Variants in CLTCL1 observed in about 807,000 individuals in gnomAD.
CLTCL1 encodes the protein clathrin heavy chain like 1, also known as clathrin heavy chain 2.
In CLTCL1, 159 loss-of-function variants were observed where a neutral mutation model predicts 190.0. The observed-to-expected ratio is 0.84, with a 90% CI of 0.74 to 0.95. CLTCL1 has a LOEUF of 0.95. CLTCL1 is among the 40% of genes least tolerant of loss of function. CLTCL1 has a pLI of 0.00. For synonymous variants in CLTCL1, 752 were observed against 769.6 expected (o/e 0.98, Z 0.38); for missense variants, 1,878 against 2,033.4 (o/e 0.92, Z 1.47).
intron 26 of CLTCL1, among the ~76,000 whole-genome samples, chr22:19,193,641 C>T (rs943520068): frequency 1.3e-5 from 2 of 152,198 alleles, no homozygotes; most frequent in Admixed American, 6.5e-5. Flanking sequence ...GAGGCCAAGG[C>T]AGGCGGATTG....
At position 19,233,523 on chromosome 22, in the gene CLTCL1, C is replaced by G; in HGVS notation, c.1267G>C (p.Asp423His). 6.2e-7 allele frequency: 1 copy of G among 1,613,932 alleles called. No homozygotes were observed. ...PLLQYFGILL[D>H]QGQLNKLESL... ...TCAAGTTTATTGAGCTGACCCTGGT[C>G]GAGCAGGATTCCGAAGTACTGCAGC... The change falls in exon 8 of 33, where the codon GAC (aspartate) becomes CAC (histidine). Residue 423 changes from aspartate (D) to histidine (H), a missense_variant. Asp to His is a moderately conservative substitution (Grantham distance 81). Coordinates refer to ENST00000427926, the MANE Select transcript of CLTCL1 (RefSeq NM_007098.4).
intron 24 of CLTCL1, among the ~76,000 whole-genome samples, 199 bp from the exon 25 acceptor site, chr22:19,196,855 A>G (rs1293568733): frequency 3.9e-5 from 6 of 152,234 alleles, no homozygotes; most frequent in African/African-American, 1.4e-4. Flanking sequence ...TCTGACAATT[A>G]CCAGTGGCAC....
chr22:19,289,783 C>T (rs1555992214), intron 1 of CLTCL1, among the ~76,000 whole-genome samples: 1 of 152,152 alleles, frequency 6.6e-6, no homozygotes, highest in African/African-American at 2.4e-5. Context: ...AACAGGAAGG[C>T]AGGAAAGGGT....
chr22:19,255,842 G>A lies in CLTCL1; in HGVS notation c.251-1615C>T, dbSNP rs184558448. Among the ~76,000 whole-genome samples the A allele has an allele frequency of 3.9e-3, 586 of 149,630 alleles. 4 individuals carry two copies. The highest frequency in any genetic ancestry group is 8.2e-3 in the Admixed American group (123 of 15,058). ...GGAGAATTGCTTGAGCCTGGGAGGC[G>A]GAGGTTGCAGTGAGCCAAAATTGTG... On this transcript the variant is annotated intron_variant, in intron 2 of 32. Coordinates refer to ENST00000427926, the MANE Select transcript of CLTCL1 (RefSeq NM_007098.4).
intron 11 of CLTCL1, among the ~76,000 whole-genome samples, chr22:19,229,422 G>A (rs1319515914): frequency 1.3e-5 from 2 of 152,206 alleles, no homozygotes; most frequent in Non-Finnish European, 2.9e-5. Context: ...GCAGTTGTCA[G>A]GGGCTGGGAA....
chr22:19,180,159 C>G, intron 32 of CLTCL1, 40 bp downstream of exon 32: 1 of 1,590,776 alleles, frequency 6.3e-7, no homozygotes, highest in Non-Finnish European at 8.6e-7. Context: ...AGAACCTGGC[C>G]TGGCTAGAGG....
intron 2 of CLTCL1, among the ~76,000 whole-genome samples, chr22:19,272,490 G>T (rs1208480005): frequency 1.3e-5 from 2 of 152,110 alleles, no homozygotes; most frequent in Non-Finnish European, 2.9e-5. Context: ...GTTTGTTTGA[G>T]ACAGAGTTTC....
At position 19,233,253 on chromosome 22, in the gene CLTCL1, C is replaced by T. The variant is rs2085971076; in HGVS notation, c.1434G>A (p.Val478=). The T allele has an allele frequency of 6.2e-7, 1 of 1,613,904 alleles. No homozygotes were observed. Among genetic ancestry groups the T allele is most frequent in the South Asian group, 1.1e-5 (1 of 91,092 alleles). ...TGCTTGGCACATTTGCCCGAAGGTA[C>T]ACACTCAGAGCGAGCATGGGGTCAG... ...KTTDPMLALS[V]YLRANVPSKV... The change falls in exon 9 of 33, where the codon GTG becomes GTA. Residue 478 remains valine, a synonymous_variant. Transcript: ENST00000427926.
chr22:19,290,337 T>G (rs782638574), intron 1 of CLTCL1, among the ~76,000 whole-genome samples: 1 of 152,224 alleles, frequency 6.6e-6, no homozygotes, highest in Non-Finnish European at 1.5e-5. Flanking sequence ...ACTATCTGCC[T>G]CAGTTATCAT....
intron 15 of CLTCL1, among the ~76,000 whole-genome samples, 169 bp from the exon 16 acceptor site, chr22:19,222,262 A>G (rs999897674): frequency 6.6e-6 from 1 of 152,178 alleles, no homozygotes; most frequent in Non-Finnish European, 1.5e-5. Context: ...GTGGGATTCT[A>G]CTTGGAAAGA....
intron 10 of CLTCL1, among the ~76,000 whole-genome samples, chr22:19,230,497 G>A (rs1425265368): frequency 6.6e-6 from 1 of 152,162 alleles, no homozygotes; most frequent in Non-Finnish European, 1.5e-5. Flanking sequence ...TGAGGTGGAT[G>A]CATTCCTTGA....
At chr22:19,196,910 C>T (rs1182635742) in intron 24 of CLTCL1, among the ~76,000 whole-genome samples, 4 of 152,066 alleles carry the variant, frequency 2.6e-5, no homozygotes, top group South Asian at 2.1e-4. Flanking sequence ...ATTAGTATTG[C>T]CAATTTTATT....
At chr22:19,220,059 G>A (rs369864228) in intron 17 of CLTCL1, 52 bp from the exon 18 acceptor site, 165 of 1,610,730 alleles carry the variant, frequency 1.0e-4, no homozygotes, top group Non-Finnish European at 1.2e-4. Context: ...AGCGGAAGCT[G>A]CTTGGGAGGA....
Position 19,225,605 on chromosome 22 carries a change from G to C in CLTCL1, c.1976C>G (p.Ser659Trp). The C allele has an allele frequency of 6.4e-7, 1 of 1,569,122 alleles. No homozygotes were observed. The highest frequency in any genetic ancestry group is 1.2e-5 in the South Asian group (1 of 85,064). Residue 659 changes from serine (S) to tryptophan (W), a missense_variant, in exon 13 of 33, where the codon TCG (serine) becomes TGG (tryptophan). Physicochemically the swap from Ser to Trp is radical, Grantham distance 177. Coordinates refer to ENST00000427926, the MANE Select transcript of CLTCL1 (RefSeq NM_007098.4). ...EWLVNFFGSLSVEDSVECLHA... is the reference protein window; with the variant it reads ...EWLVNFFGSLWVEDSVECLHA... The stretch of plus-strand genomic sequence containing the variant: ...CAGACACTCCACAGAATCCTCCACC[G>C]ATAAGGAGCCAAAGAAATTGACAAG...
intron 29 of CLTCL1, chr22:19,184,290 A>C: frequency 2.9e-6 from 1 of 349,624 alleles, no homozygotes; most frequent in Non-Finnish European, 5.7e-6. Flanking sequence ...GCCCAGGGCC[A>C]CTCCACCTGG....
At chr22:19,235,164 C>T (rs1268707395) in intron 6 of CLTCL1, among the ~76,000 whole-genome samples, 1 of 151,566 alleles carries the variant, frequency 6.6e-6, no homozygotes, top group Non-Finnish European at 1.5e-5. Context: ...GCCACTGTTC[C>T]CGACTTTTTT....
rs782644064 is a variant in CLTCL1, at chr22:19,235,730, G to T, written c.935C>A (p.Thr312Asn). 6.2e-7 allele frequency: 1 copy of T among 1,613,478 alleles called. No individual in the cohort carries two copies. Among genetic ancestry groups the T allele is most frequent in the African/African-American group, 1.3e-5 (1 of 74,922 alleles). ...TTTGTTGACACCAATAATTCCAGAG[G>T]TTGGTTTGTGTGGAGCAGTGACAAA... ...TIFVTAPHKP[T>N]SGIIGVNKKG... Residue 312 changes from threonine to asparagine, a missense_variant, in exon 6 of 33, where the codon ACC becomes AAC. By Grantham distance (65) the Thr-to-Asn change is moderately conservative (BLOSUM62 0). Transcript: ENST00000427926.
rs931183017 is a variant in CLTCL1 at position 19,221,807 on chromosome 22, T to C, written c.2561+144A>G. 8.6e-6 allele frequency: 9 copies of C among 1,042,824 alleles called. No homozygotes were observed. In the African/African-American group the frequency reaches 1.4e-4, roughly 17 times the overall value. 64.6% of individuals were successfully genotyped at this position (1,042,824 alleles called of 1,614,324 possible). On this transcript the variant is annotated intron_variant, in intron 16 of 32. Coordinates refer to ENST00000427926, the MANE Select transcript of CLTCL1 (RefSeq NM_007098.4). ...AGGTTTTCCCCCAAGGTCTTCACAG[T>C]ACCAATAGCAAGTAACTCATTGCTA...
intron 26 of CLTCL1, among the ~76,000 whole-genome samples, chr22:19,193,350 C>A (rs577917914): frequency 6.6e-6 from 1 of 152,222 alleles, no homozygotes; most frequent in South Asian, 2.1e-4. Flanking sequence ...GGACACACAT[C>A]TCTGTTGGGC....
Sources: gnomAD v4.1 joint callset for allele counts (sites outside exome capture counted in the v4.1 genomes callset) on GRCh38, gnomAD v4.1.1 for gene constraint, MANE v1.5 for transcripts, NCBI Gene and HGNC (gene_info 2026-07-23, HGNC 2026-07-21) for gene names.